MACROD2: variants seen among roughly 807,000 people sequenced by gnomAD.
MACROD2 encodes the protein ADP-ribose glycohydrolase MACROD2.
A neutral mutation model predicts 70.4 loss-of-function variants in MACROD2; 36 were observed. That is an observed-to-expected ratio of 0.51 (90% CI 0.39 to 0.68). The LOEUF is 0.68. Among genes scored for constraint, MACROD2 ranks in the 30% least tolerant of loss-of-function variants. MACROD2 has a pLI of 0.00. For synonymous variants in MACROD2, 172 were observed against 178.8 expected (o/e 0.96, Z 0.30); for missense variants, 496 against 538.4 (o/e 0.92, Z 0.78).
chr20:15,540,418 A>C (rs933900648), intron 8 of MACROD2, among the ~76,000 whole-genome samples: 4 of 152,198 alleles, frequency 2.6e-5, no homozygotes, highest in Non-Finnish European at 5.9e-5. Context: ...AAGGAATCAG[A>C]AGAGAAGGAA....
chr20:15,229,729 C>T (rs951374544), intron 5 of MACROD2, among the ~76,000 whole-genome samples: 15 of 152,206 alleles, frequency 9.9e-5, no homozygotes, highest in African/African-American at 3.1e-4. Context: ...TTCCTTTTCA[C>T]AATTATCATT....
chr20:15,669,321 A>G (rs575411197), intron 8 of MACROD2, among the ~76,000 whole-genome samples: 3 of 152,342 alleles, frequency 2.0e-5, no homozygotes, highest in African/African-American at 7.2e-5. Flanking sequence ...CACACATGAA[A>G]TGTGCAGGGT....
At chr20:14,249,202 C>T (rs558622592) in intron 3 of MACROD2, among the ~76,000 whole-genome samples, 1 of 132,300 alleles carries the variant, frequency 7.6e-6, no homozygotes, top group East Asian at 2.6e-4. Flanking sequence ...ATCTAAAATA[C>T]TATAATTTGC....
chr20:15,223,719 C>G (rs1030216489), intron 5 of MACROD2, among the ~76,000 whole-genome samples: 3 of 152,094 alleles, frequency 2.0e-5, no homozygotes, highest in Non-Finnish European at 4.4e-5. Context: ...TGGGGCTCAC[C>G]AAAATAAAGC....
intron 5 of MACROD2, among the ~76,000 whole-genome samples, chr20:14,737,447 A>G (rs1321634010): frequency 2.6e-5 from 4 of 152,192 alleles, no homozygotes; most frequent in African/African-American, 4.8e-5. Context: ...AGAATCATTT[A>G]TAATCCTTTG....
At position 13,995,630 on chromosome 20, in the gene MACROD2, C is replaced by A; in HGVS notation, c.-134C>A. 1 of 821,566 alleles carries A rather than the reference C, an allele frequency of 1.2e-6. No homozygotes were observed. Among genetic ancestry groups the A allele is most frequent in the Admixed American group, 2.0e-5 (1 of 49,958 alleles). 50.9% of individuals were successfully genotyped at this position (821,566 alleles called of 1,614,324 possible). On this transcript the variant is annotated 5_prime_UTR_variant, in exon 1 of 18. Coordinates refer to ENST00000684519, the MANE Select transcript of MACROD2 (RefSeq NM_001351661.2). The surrounding 1 kb of genome is among the most constrained non-coding windows in gnomAD (Gnocchi z 4.3). ...CGACTGGAGAGCGGCGAGCGGCGAG[C>A]AGCGCAGGACGCAGAGCCTCTTTCA...
At chr20:14,705,494 G>A (rs1047575761) in intron 5 of MACROD2, among the ~76,000 whole-genome samples, 1 of 152,036 alleles carries the variant, frequency 6.6e-6, no homozygotes, top group African/African-American at 2.4e-5. Context: ...ATCTCTTCTT[G>A]GATTTCTTTG....
chr20:15,916,487 G>A (rs1225825158), intron 10 of MACROD2, among the ~76,000 whole-genome samples: 1 of 152,196 alleles, frequency 6.6e-6, no homozygotes, highest in Non-Finnish European at 1.5e-5. Flanking sequence ...CCCATCTCTT[G>A]AAGGGAGGAA....
At chr20:14,315,895 G>A (rs959500272) in intron 3 of MACROD2, among the ~76,000 whole-genome samples, 1 of 152,148 alleles carries the variant, frequency 6.6e-6, no homozygotes, top group African/African-American at 2.4e-5. Context: ...TCTTATACCT[G>A]TCTGTCTTTA....
intron 6 of MACROD2, among the ~76,000 whole-genome samples, chr20:15,380,640 A>G (rs2045630505): frequency 6.6e-6 from 1 of 152,194 alleles, no homozygotes; most frequent in South Asian, 2.1e-4. Context: ...TACTTGCTGC[A>G]TATCTTCCCA....
chr20:14,616,340 T>C (rs1197119950), intron 4 of MACROD2, among the ~76,000 whole-genome samples: 1 of 152,134 alleles, frequency 6.6e-6, no homozygotes, highest in Non-Finnish European at 1.5e-5. Flanking sequence ...TCATCCACCT[T>C]CTATCTTCCT....
chr20:14,563,378 T>A lies in MACROD2; in HGVS notation c.301+69870T>A, dbSNP rs188528171. Among the ~76,000 whole-genome samples, 205 of 152,036 alleles carry A rather than the reference T, an allele frequency of 1.3e-3. 1 individual carries two copies. The highest frequency in any genetic ancestry group is 4.7e-3 in the African/African-American group (195 of 41,522). On this transcript the variant is annotated intron_variant, in intron 4 of 17. Transcript: ENST00000684519. ...AGATCTAGAAAAATGTCTTCATTAT[T>A]TTAATAAGTAAAATATTTAAACGTT...
chr20:14,285,174 ATTTTTTCTGATTT>A (rs1398756317), intron 3 of MACROD2, among the ~76,000 whole-genome samples: 1 of 152,030 alleles, frequency 6.6e-6, no homozygotes, highest in Admixed American at 6.6e-5. Context: ...CAGATTTGGG[ATTTTTTCTGATTT>A]TGGAATATCT....
chr20:14,386,642 T>C (rs894588155), intron 3 of MACROD2, among the ~76,000 whole-genome samples: 1 of 151,972 alleles, frequency 6.6e-6, no homozygotes, highest in Non-Finnish European at 1.5e-5. Flanking sequence ...CCATGTGACA[T>C]GCCAGCTCCC....
At chr20:14,306,835 A>T (rs1200524164) in intron 3 of MACROD2, among the ~76,000 whole-genome samples, 3 of 152,150 alleles carry the variant, frequency 2.0e-5, no homozygotes, top group Middle Eastern at 3.2e-3. Context: ...TACTGCAGCT[A>T]TCCCAGGAGT....
chr20:15,454,070 A>G (rs2046681860), intron 7 of MACROD2, among the ~76,000 whole-genome samples: 1 of 152,122 alleles, frequency 6.6e-6, no homozygotes, highest in African/African-American at 2.4e-5. Flanking sequence ...AACGGTTGGG[A>G]AGGTGTGTCC....
At chr20:14,094,052 G>A (rs1192101836) in intron 3 of MACROD2, among the ~76,000 whole-genome samples, 1 of 151,848 alleles carries the variant, frequency 6.6e-6, no homozygotes, top group African/African-American at 2.4e-5. Context: ...GGGAGGATAT[G>A]TGTTAGAGAG....
At chr20:14,822,786 A>G (rs2072861201) in intron 5 of MACROD2, among the ~76,000 whole-genome samples, 1 of 152,092 alleles carries the variant, frequency 6.6e-6, no homozygotes, top group Admixed American at 6.6e-5. Context: ...ATTATCATAC[A>G]TCTGTGCATG....
At chr20:16,007,129 C>A (rs1046503529) in intron 15 of MACROD2, among the ~76,000 whole-genome samples, 2 of 152,244 alleles carry the variant, frequency 1.3e-5, no homozygotes, top group Non-Finnish European at 2.9e-5. Context: ...AAAAATATGA[C>A]ATAATGTTTG....
Sources: allele counts gnomAD v4.1 joint callset (sites outside exome capture counted in the v4.1 genomes callset), GRCh38; gene constraint gnomAD v4.1.1; non-coding constraint Gnocchi (gnomAD v3.1); transcripts MANE v1.5; gene names NCBI Gene and HGNC (gene_info 2026-07-23, HGNC 2026-07-21).